The following TAFA1 variants were observed in gnomAD, a reference collection of about 807,000 sequenced individuals.
TAFA1 encodes the protein TAFA chemokine like family member 1.
A neutral mutation model predicts 18.5 loss-of-function variants in TAFA1; 4 were observed. That is an observed-to-expected ratio of 0.22 (90% CI 0.11 to 0.49). The LOEUF (loss-of-function observed/expected upper bound fraction) is 0.49, where lower values mean the gene tolerates loss of function less well. TAFA1 is among the 20% of genes least tolerant of loss of function. The probability of loss-of-function intolerance (pLI) is 0.98; values close to 1 mark genes in which losing one functional copy is unlikely to be tolerated. For missense variants in TAFA1, 147 were observed against 169.0 expected, an observed-to-expected ratio of 0.87 and a Z score of 0.72; for synonymous variants, 56 against 55.2, an observed-to-expected ratio of 1.01 and a Z score of -0.06.
In TAFA1 at chr3:68,153,329, A is replaced by G. The variant is rs534716637; in HGVS notation, c.118+146585A>G. 2.0e-5 allele frequency among the ~76,000 whole-genome samples: 3 copies of G among 152,314 alleles called. No homozygotes were observed. The South Asian group carries it at 6.2e-4, about 32-fold the overall frequency. ...TGCTTCAAATCACTGAAATGAATAA[A>G]GTTGTTTATGACAGGTCACAGGACA... On this transcript the variant is annotated intron_variant, in intron 2 of 4. Coordinates refer to ENST00000478136, the MANE Select transcript of TAFA1 (RefSeq NM_213609.4).
At chr3:68,092,667 C>T (rs919262690) in intron 2 of TAFA1, among the ~76,000 whole-genome samples, 1 of 152,128 alleles carries the variant, frequency 6.6e-6, no homozygotes, top group Non-Finnish European at 1.5e-5. Context: ...TTTATAGGTA[C>T]ATTAGCAGGC....
At chr3:68,089,580 G>T (rs1296365119) in intron 2 of TAFA1, among the ~76,000 whole-genome samples, 1 of 152,126 alleles carries the variant, frequency 6.6e-6, no homozygotes, top group Non-Finnish European at 1.5e-5. Context: ...GAGGCATGCG[G>T]GTTATTAATT....
chr3:68,396,660 C>T (rs1252626813), intron 2 of TAFA1, among the ~76,000 whole-genome samples: 1 of 152,136 alleles, frequency 6.6e-6, no homozygotes, highest in African/African-American at 2.4e-5. Context: ...ATCAACAAAA[C>T]TGCCATAGAC....
In TAFA1 at chr3:68,515,350, C is replaced by T. The variant is rs537521578; in HGVS notation, c.260-23406C>T. Among the ~76,000 whole-genome samples, 6 of 152,270 alleles carry T rather than the reference C, an allele frequency of 3.9e-5. No homozygotes were observed. In the South Asian group the frequency reaches 1.0e-3, roughly 26 times the overall value. Reference sequence around the variant, plus strand: ...CTTCAGCAGGAGAGGAATCATAGTTCTCAAGGAGAGGCATAGCTATTTGTT... The same window carrying T: ...CTTCAGCAGGAGAGGAATCATAGTTTTCAAGGAGAGGCATAGCTATTTGTT... On this transcript the variant is annotated intron_variant, in intron 3 of 4. Coordinates refer to ENST00000478136, the MANE Select transcript of TAFA1 (RefSeq NM_213609.4).
At chr3:68,483,651 G>A (rs567096871) in intron 3 of TAFA1, among the ~76,000 whole-genome samples, 2 of 152,206 alleles carry the variant, frequency 1.3e-5, no homozygotes, top group African/African-American at 2.4e-5. Flanking sequence ...GGAAGAGTCA[G>A]GGGTTTATTT....
At chr3:68,310,562 C>T in intron 2 of TAFA1, among the ~76,000 whole-genome samples, 1 of 152,072 alleles carries the variant, frequency 6.6e-6, no homozygotes, top group East Asian at 1.9e-4. Flanking sequence ...ATATTCATTA[C>T]AACTTTTCAA....
intron 3 of TAFA1, among the ~76,000 whole-genome samples, chr3:68,424,257 G>A (rs2071013028): frequency 6.6e-6 from 1 of 151,912 alleles, no homozygotes; most frequent in South Asian, 2.1e-4. Context: ...AAAACAGACT[G>A]ACAGAGAAGA....
intron 2 of TAFA1, among the ~76,000 whole-genome samples, chr3:68,104,067 A>C (rs2065178887): frequency 6.6e-6 from 1 of 152,170 alleles, no homozygotes; most frequent in Non-Finnish European, 1.5e-5. Context: ...TTTAAAGTGT[A>C]ATGTTAGATC....
At chr3:68,292,735 G>T (rs996400618) in intron 2 of TAFA1, among the ~76,000 whole-genome samples, 12 of 152,022 alleles carry the variant, frequency 7.9e-5, no homozygotes, top group African/African-American at 2.9e-4. Flanking sequence ...GGTAGACAGG[G>T]TCTCGCTATG....
chr3:68,031,133 G>A (rs1398199587), intron 2 of TAFA1, among the ~76,000 whole-genome samples: 1 of 152,068 alleles, frequency 6.6e-6, no homozygotes, highest in African/African-American at 2.4e-5. Flanking sequence ...TCAATTCTCA[G>A]CCAATTTTTA....
At chr3:68,347,865 A>T (rs1240655518) in intron 2 of TAFA1, among the ~76,000 whole-genome samples, 1 of 151,984 alleles carries the variant, frequency 6.6e-6, no homozygotes, top group Non-Finnish European at 1.5e-5. Context: ...TCTCTGAGCC[A>T]TTTTTCTCCT....
chr3:68,120,165 T>TTCTCTC (rs1340208087), intron 2 of TAFA1, among the ~76,000 whole-genome samples: 1 of 138,234 alleles, frequency 7.2e-6, no homozygotes, highest in African/African-American at 3.3e-5. Flanking sequence ...TTCTTTCTCT[T>TTCTCTC]TCTTTCTCTT....
chr3:68,403,683 T>C (rs1003183640), intron 2 of TAFA1, among the ~76,000 whole-genome samples: 4 of 152,186 alleles, frequency 2.6e-5, no homozygotes, highest in Admixed American at 1.3e-4. Context: ...ACAGCGAAGT[T>C]TGGTAGTTGC....
chr3:68,429,600 T>TCTGC (rs2071128166), intron 3 of TAFA1, among the ~76,000 whole-genome samples: 1 of 151,944 alleles, frequency 6.6e-6, no homozygotes, highest in Non-Finnish European at 1.5e-5. Context: ...ATTAAGCTCT[T>TCTGC]CCTTCAACAT....
chr3:68,092,227 A>G (rs568604652), intron 2 of TAFA1, among the ~76,000 whole-genome samples: 5 of 151,260 alleles, frequency 3.3e-5, no homozygotes, highest in African/African-American at 9.7e-5. Flanking sequence ...AATGAAACAC[A>G]CACCTTTTTT....
chr3:67,992,569 G>C, the TAFA1 span, among the ~76,000 whole-genome samples: 26 of 152,220 alleles, frequency 1.7e-4, no homozygotes, highest in South Asian at 3.9e-3. Flanking sequence ...CCTCAGTCAG[G>C]AATAACCCAT....
intron 2 of TAFA1, among the ~76,000 whole-genome samples, chr3:68,108,466 G>GTGTGCA (rs1559523034): frequency 1.5e-3 from 16 of 10,378 alleles, no homozygotes; most frequent in Admixed American, 9.1e-3. Context: ...GTGTGTGCAT[G>GTGTGCA]TGTGTGTGTG....
intron 2 of TAFA1, among the ~76,000 whole-genome samples, chr3:68,414,995 T>C (rs1315872452): frequency 1.3e-5 from 2 of 152,140 alleles, no homozygotes; most frequent in African/African-American, 4.8e-5. Context: ...AGCTGACAAT[T>C]ATAAGCTAAA....
At chr3:68,378,267 T>C (rs1309316773) in intron 2 of TAFA1, among the ~76,000 whole-genome samples, 1 of 152,138 alleles carries the variant, frequency 6.6e-6, no homozygotes, top group Non-Finnish European at 1.5e-5. Context: ...TGAGCTCACA[T>C]CTTGCATCAA....
Sources: gnomAD v4.1 joint callset for allele counts (sites outside exome capture counted in the v4.1 genomes callset) on GRCh38, gnomAD v4.1.1 for gene constraint, MANE v1.5 for transcripts, NCBI Gene and HGNC (gene_info 2026-07-23, HGNC 2026-07-21) for gene names.